CRAMP1: variants seen among roughly 807,000 people sequenced by gnomAD.
The protein encoded by CRAMP1 is cramped chromatin regulator 1.
A neutral mutation model predicts 115.4 loss-of-function variants in CRAMP1; 50 were observed. The ratio of observed to expected loss-of-function variants is 0.43; its 90% CI spans 0.35 to 0.55. CRAMP1 has a LOEUF of 0.55. Among genes scored for constraint, CRAMP1 ranks in the 20% least tolerant of loss-of-function variants. CRAMP1 has a pLI of 0.01. For missense variants in CRAMP1, 1,679 were observed against 1,721.7 expected, an observed-to-expected ratio of 0.98 and a Z score of 0.44; for synonymous variants, 866 against 745.4, an observed-to-expected ratio of 1.16 and a Z score of -2.64.
rs1480245264 is a variant in CRAMP1 at position 1,626,534 on chromosome 16, A to G, written c.540+368A>G. 2.7e-5 allele frequency among the ~76,000 whole-genome samples: 4 copies of G among 150,606 alleles called. No homozygotes were observed. The East Asian group carries it at 7.9e-4, about 30-fold the overall frequency. On this transcript the variant is annotated intron_variant, in intron 3 of 20. Transcript: ENST00000397412. ...CTGATTTAGGCGGGATGGCCTCTTG[A>G]GGGGAGGCACAAGGCGGTGCTTGTC... is the stretch of plus-strand genomic sequence containing the variant.
At chr16:1,623,077 A>T (rs932452684) in intron 2 of CRAMP1, among the ~76,000 whole-genome samples, 1 of 152,082 alleles carries the variant, frequency 6.6e-6, no homozygotes, top group Admixed American at 6.5e-5. Flanking sequence ...TTGTATTTTT[A>T]GTAGAGACAG....
In CRAMP1 at chr16:1,614,630, C is replaced by G; in HGVS notation, c.-1-9C>G. The G allele has an allele frequency of 8.1e-7, 1 of 1,240,764 alleles. No individual in the cohort carries two copies. Among genetic ancestry groups the G allele is most frequent in the Non-Finnish European group, 1.0e-6 (1 of 987,280 alleles). The allele number at this position is 1,240,764 out of a possible 1,614,324, so 76.9% of individuals were successfully genotyped here. A position where few individuals can be genotyped will look rare whatever the true frequency, so the allele number is the denominator to read the frequency against. On this transcript the variant is annotated splice_polypyrimidine_tract_variant and intron_variant, in intron 1 of 20. Coordinates refer to ENST00000397412, the MANE Select transcript of CRAMP1 (RefSeq NM_020825.4). The surrounding 1 kb of genome is among the most constrained non-coding windows in gnomAD (Gnocchi z 4.4). ...GCCTCACCGGCCGCCTCCCCTCTCC[C>G]GGCCGCAGGATGACAGTGAAGTTGG... is the stretch of plus-strand genomic sequence containing the variant.
chr16:1,620,429 G>C (rs1328388108), intron 2 of CRAMP1, among the ~76,000 whole-genome samples: 2 of 152,182 alleles, frequency 1.3e-5, no homozygotes, highest in African/African-American at 2.4e-5. Context: ...AAGCATGGGG[G>C]AGACGGGTGT....
chr16:1,645,055 T>TAC (rs34920543), intron 6 of CRAMP1, among the ~76,000 whole-genome samples: 24,076 of 151,784 alleles, frequency 0.16, 2,803 homozygotes, highest in African/African-American at 0.31. Context: ...CTTTTTGTCA[T>TAC]AGTTATAGAA....
At position 1,671,873 on chromosome 16, in the gene CRAMP1, A is replaced by G. The variant is rs956386464; in HGVS notation, c.3645+1064A>G. Among the ~76,000 whole-genome samples, 3 of 152,208 alleles carry G rather than the reference A, an allele frequency of 2.0e-5. No homozygotes were observed. Among genetic ancestry groups the G allele is most frequent in the African/African-American group, 4.8e-5 (2 of 41,454 alleles). On this transcript the variant is annotated intron_variant, in intron 20 of 20. Transcript: ENST00000397412. The surrounding 1 kb of genome is among the most constrained non-coding windows in gnomAD (Gnocchi z 5.0). Reference sequence around the variant, plus strand: ...AAGCCAAGCCATGATATGACTGGAAATTTTAGCCAAATATACACATAGACA... The same window carrying G: ...AAGCCAAGCCATGATATGACTGGAAGTTTTAGCCAAATATACACATAGACA...
rs761038864 is a variant in CRAMP1 at position 1,656,349 on chromosome 16, G to A, written c.1592G>A (p.Arg531Lys). 1.2e-6 allele frequency: 2 copies of A among 1,607,560 alleles called. No homozygotes were observed. The highest frequency in any genetic ancestry group is 1.7e-6 in the Non-Finnish European group (2 of 1,177,554). Residue 531 changes from arginine to lysine, a missense_variant, in exon 10 of 21, where the codon AGG (arginine) becomes AAG (lysine). By Grantham distance (26) the Arg-to-Lys change is conservative. Coordinates refer to ENST00000397412, the MANE Select transcript of CRAMP1 (RefSeq NM_020825.4). This position sits in a 1 kb window ranked among gnomAD's most constrained non-coding sequence, Gnocchi z 5.6. ...CTTGAGAAGACCCCTGCAGAAGGCA[G>A]GGACAGTCCCACCCGGGAGCCAGGG... ...PCLEKTPAEGRDSPTREPGAL... is the reference protein window; with the variant it reads ...PCLEKTPAEGKDSPTREPGAL...
chr16:1,667,065 A>G (rs2036882441), intron 16 of CRAMP1, among the ~76,000 whole-genome samples: 1 of 152,160 alleles, frequency 6.6e-6, no homozygotes, highest in Admixed American at 6.5e-5. Flanking sequence ...TTAAGACTCC[A>G]GGGAGCCCAG....
intron 13 of CRAMP1, 135 bp downstream of exon 13, chr16:1,662,970 G>A (rs2036845890): frequency 3.1e-6 from 2 of 643,874 alleles, no homozygotes; most frequent in Middle Eastern, 4.1e-4. Context: ...TTGTGAGTAG[G>A]GTAAAAATAC....
At chr16:1,613,259 A>G (rs1165637646) in intron 1 of CRAMP1, among the ~76,000 whole-genome samples, 2 of 142,952 alleles carry the variant, frequency 1.4e-5, no homozygotes, top group Non-Finnish European at 3.0e-5. Flanking sequence ...TAAAACTAGC[A>G]TGAACTCGAG....
chr16:1,622,310 C>T (rs780405983), intron 2 of CRAMP1, among the ~76,000 whole-genome samples: 24 of 152,150 alleles, frequency 1.6e-4, no homozygotes, highest in African/African-American at 2.2e-4. Flanking sequence ...TTCAGGAGCT[C>T]GTGACCAGCC....
chr16:1,665,368 C>G (rs1293279333), intron 14 of CRAMP1, among the ~76,000 whole-genome samples: 1 of 152,220 alleles, frequency 6.6e-6, no homozygotes, highest in Admixed American at 6.5e-5. Flanking sequence ...CGTCTGTGGC[C>G]TCAGATGGCC....
intron 6 of CRAMP1, among the ~76,000 whole-genome samples, chr16:1,647,384 A>T (rs967794429): frequency 6.6e-6 from 1 of 152,204 alleles, no homozygotes; most frequent in Non-Finnish European, 1.5e-5. Context: ...CCATGTACAT[A>T]GAGGGATTAC....
At chr16:1,624,585 A>AT (rs2036493455) in intron 2 of CRAMP1, among the ~76,000 whole-genome samples, 1 of 140,950 alleles carries the variant, frequency 7.1e-6, no homozygotes, top group Non-Finnish European at 1.5e-5. Context: ...CACCTGGCTA[A>AT]TTTTTTCTTT....
chr16:1,626,203 G>T (rs1170942003), intron 3 of CRAMP1, 37 bp downstream of exon 3: 1 of 1,440,806 alleles, frequency 6.9e-7, no homozygotes, highest in African/African-American at 1.4e-5. Context: ...GGCAGCCTGG[G>T]CGTCCCTCTC....
intron 4 of CRAMP1, among the ~76,000 whole-genome samples, chr16:1,636,810 C>T (rs985887748): frequency 6.6e-6 from 1 of 152,222 alleles, no homozygotes; most frequent in Non-Finnish European, 1.5e-5. Context: ...CCAGGTGCCT[C>T]CCATTCTTGT....
rs150175917 is a variant in CRAMP1 at position 1,638,951 on chromosome 16, C to T, written c.778+1044C>T. Among the ~76,000 whole-genome samples the T allele has an allele frequency of 4.1e-3, 624 of 152,154 alleles. 3 individuals carry two copies. The highest frequency in any genetic ancestry group is 6.2e-3 in the Non-Finnish European group (424 of 67,980). Reference sequence around the variant, plus strand: ...GGCCCAGCCACTCCTCTTACCTCCTCCAGCCTGCCTCTCCAGCCCGCACTC... The same window carrying T: ...GGCCCAGCCACTCCTCTTACCTCCTTCAGCCTGCCTCTCCAGCCCGCACTC... On this transcript the variant is annotated intron_variant, in intron 5 of 20. Transcript: ENST00000397412.
In CRAMP1 at chr16:1,656,806, C is replaced by T. The variant is rs751093091; in HGVS notation, c.2049C>T (p.Ser683=). The change falls in exon 10 of 21, where the codon TCC becomes TCT. Residue 683 remains serine, a synonymous_variant. Transcript: ENST00000397412. The surrounding 1 kb of genome is among the most constrained non-coding windows in gnomAD (Gnocchi z 5.6). ...AGGAGGGCTGGAACCTGCAGACCTC[C>T]GAAAGCCTCACGCTGGCCGAAGTCT... ...LREEGWNLQT[S]ESLTLAEVYL... 4.8e-5 allele frequency: 75 copies of T among 1,548,716 alleles called. No homozygotes were observed. The African/African-American group carries it at 6.7e-4, about 14-fold the overall frequency.
intron 10 of CRAMP1, among the ~76,000 whole-genome samples, chr16:1,657,498 CAG>C (rs2036786429): frequency 6.6e-6 from 1 of 152,226 alleles, no homozygotes; most frequent in African/African-American, 2.4e-5. Context: ...CAGGTTTCCA[CAG>C]AGGGAACGAT....
intron 4 of CRAMP1, among the ~76,000 whole-genome samples, chr16:1,632,569 A>G (rs1186145006): frequency 6.6e-6 from 1 of 152,268 alleles, no homozygotes; most frequent in Non-Finnish European, 1.5e-5. Context: ...AGTGGCCCGT[A>G]TCCCATGCTC....
Sources: allele counts gnomAD v4.1 joint callset (sites outside exome capture counted in the v4.1 genomes callset), GRCh38; gene constraint gnomAD v4.1.1; non-coding constraint Gnocchi (gnomAD v3.1); transcripts MANE v1.5; gene names NCBI Gene and HGNC (gene_info 2026-07-23, HGNC 2026-07-21).